Variants in ACYP2 observed in about 807,000 individuals in gnomAD.
ACYP2 encodes the protein acylphosphatase-2.
ACYP2 carries 12 observed loss-of-function variants against 11.2 expected under a neutral mutation model. The ratio of observed to expected loss-of-function variants is 1.08; its 90% confidence interval spans 0.69 to 1.74. The LOEUF is 1.74. ACYP2 is among the 40% of genes most tolerant of loss of function. The probability of loss-of-function intolerance (pLI) is 0.00; values close to 1 mark genes in which losing one functional copy is unlikely to be tolerated. For synonymous variants in ACYP2, 43 were observed against 32.2 expected (o/e 1.33, Z -1.13); for missense variants, 134 against 101.9 (o/e 1.31, Z -1.35).
chr2:54,071,527 A>G (rs777703262), intron 4 of ACYP2, among the ~76,000 whole-genome samples: 10 of 151,500 alleles, frequency 6.6e-5, no homozygotes, highest in Non-Finnish European at 1.3e-4. Flanking sequence ...GTGCAGTAGT[A>G]TGGTCATAGC....
At chr2:54,270,837 T>TA (rs1688264704) in intron 6 of ACYP2, among the ~76,000 whole-genome samples, 6 of 152,206 alleles carry the variant, frequency 3.9e-5, no homozygotes, top group Non-Finnish European at 7.3e-5. Flanking sequence ...TAGTGTGGAA[T>TA]TTCAATATTT....
intron 2 of ACYP2, among the ~76,000 whole-genome samples, chr2:53,997,596 G>T (rs753646907): frequency 3.9e-5 from 6 of 152,070 alleles, no homozygotes; most frequent in Non-Finnish European, 7.4e-5. Flanking sequence ...ATGAGCCACC[G>T]CACCCGGCCA....
At chr2:54,096,466 G>C (rs1260688022) in intron 4 of ACYP2, among the ~76,000 whole-genome samples, 2 of 152,076 alleles carry the variant, frequency 1.3e-5, no homozygotes, top group Non-Finnish European at 2.9e-5. Flanking sequence ...CGGCACTTTG[G>C]GAGGCCAAGG....
intron 6 of ACYP2, among the ~76,000 whole-genome samples, chr2:54,268,532 T>C (rs895357763): frequency 6.6e-6 from 1 of 151,204 alleles, no homozygotes; most frequent in African/African-American, 2.4e-5. Context: ...CTGGGTGCAG[T>C]GACTGACACC....
At chr2:54,303,076 C>T (rs1331727612) in intron 6 of ACYP2, among the ~76,000 whole-genome samples, 1 of 152,122 alleles carries the variant, frequency 6.6e-6, no homozygotes, top group Non-Finnish European at 1.5e-5. Context: ...TAGTGCTTGG[C>T]CAGTCATGGT....
At chr2:54,062,035 G>T (rs749053874) in intron 4 of ACYP2, among the ~76,000 whole-genome samples, 1 of 152,182 alleles carries the variant, frequency 6.6e-6, no homozygotes, top group Non-Finnish European at 1.5e-5. Flanking sequence ...TTTTGCGTAA[G>T]TTGCATTGCC....
intron 2 of ACYP2, among the ~76,000 whole-genome samples, chr2:53,978,752 T>G (rs900371933): frequency 2.6e-5 from 4 of 152,140 alleles, no homozygotes; most frequent in Non-Finnish European, 2.9e-5. Context: ...TGGCAAAACC[T>G]TCTACCAAAA....
chr2:54,242,204 C>T (rs964541320), intron 6 of ACYP2, among the ~76,000 whole-genome samples: 1 of 152,216 alleles, frequency 6.6e-6, no homozygotes, highest in Non-Finnish European at 1.5e-5. Flanking sequence ...AATTGACATT[C>T]CAGCACAGTG....
chr2:54,110,402 T>G (rs191388819), intron 4 of ACYP2, among the ~76,000 whole-genome samples: 2 of 152,308 alleles, frequency 1.3e-5, no homozygotes, highest in African/African-American at 4.8e-5. Flanking sequence ...TTCTGTAATG[T>G]TTAGTAGTCA....
chr2:53,975,311 T>A (rs3731967), intron 2 of ACYP2: 166,403 of 397,904 alleles, frequency 0.42, 35,447 homozygotes, highest in South Asian at 0.51. Flanking sequence ...AGTTGAAGAA[T>A]TTACGGGAGC....
At chr2:54,232,278 C>G (rs1686267673) in intron 6 of ACYP2, among the ~76,000 whole-genome samples, 1 of 152,176 alleles carries the variant, frequency 6.6e-6, no homozygotes, top group Non-Finnish European at 1.5e-5. Context: ...GTACTACACT[C>G]TCCAGAGGAA....
intron 6 of ACYP2, among the ~76,000 whole-genome samples, chr2:54,259,903 T>G (rs1573009143): frequency 6.6e-6 from 1 of 152,086 alleles, no homozygotes; most frequent in South Asian, 2.1e-4. Context: ...TTCAAAGAAA[T>G]GGGATGATAG....
chr2:54,299,219 C>T (rs757919134), intron 6 of ACYP2, among the ~76,000 whole-genome samples: 1 of 152,098 alleles, frequency 6.6e-6, no homozygotes, highest in Non-Finnish European at 1.5e-5. Context: ...GTGTATCTTC[C>T]CTGGAGAATA....
chr2:54,284,211 C>G (rs531013316), intron 6 of ACYP2, among the ~76,000 whole-genome samples: 1 of 152,288 alleles, frequency 6.6e-6, no homozygotes, highest in East Asian at 1.9e-4. Flanking sequence ...CATCCACATG[C>G]TTGTAGGCCA....
chr2:54,281,557 T>C (rs536017658), intron 6 of ACYP2, among the ~76,000 whole-genome samples: 81 of 152,322 alleles, frequency 5.3e-4, no homozygotes, highest in African/African-American at 1.9e-3. Flanking sequence ...AAAGATATCA[T>C]GTGGCAGAAA....
chr2:54,219,883 A>ATGTG (rs1558622278), intron 6 of ACYP2, among the ~76,000 whole-genome samples: 1 of 63,230 alleles, frequency 1.6e-5, no homozygotes, highest in Non-Finnish European at 2.9e-5. Context: ...GTGTGTGTGT[A>ATGTG]TATATATATA....
At chr2:54,212,144 T>A (rs1375872642) in intron 6 of ACYP2, among the ~76,000 whole-genome samples, 1 of 152,196 alleles carries the variant, frequency 6.6e-6, no homozygotes, top group East Asian at 1.9e-4. Context: ...TTGGATTTTT[T>A]TTAAAAATCT....
chr2:54,036,747 A>G (rs1384041583), intron 2 of ACYP2, among the ~76,000 whole-genome samples: 2 of 152,218 alleles, frequency 1.3e-5, no homozygotes, highest in East Asian at 3.8e-4. Context: ...GTGAGAGTTT[A>G]ATTTCTCATT....
At chr2:54,276,385 A>G (rs976381058) in intron 6 of ACYP2, among the ~76,000 whole-genome samples, 4 of 152,140 alleles carry the variant, frequency 2.6e-5, no homozygotes, top group African/African-American at 9.7e-5. Context: ...TCAATGTTAT[A>G]ACACTTATTT....
Sources: gnomAD v4.1 joint callset for allele counts (sites outside exome capture counted in the v4.1 genomes callset) on GRCh38, gnomAD v4.1.1 for gene constraint, MANE v1.5 for transcripts, NCBI Gene and HGNC (gene_info 2026-07-23, HGNC 2026-07-21) for gene names.